ZNF532: variants seen among roughly 807,000 people sequenced by gnomAD.
The protein encoded by ZNF532 is zinc finger protein 532.
A neutral mutation model predicts 89.3 loss-of-function variants in ZNF532; 22 were observed. The observed-to-expected ratio is 0.25, with a 90% confidence interval of 0.18 to 0.35. ZNF532 has a LOEUF of 0.35. Ranked by LOEUF, ZNF532 falls within the 10% of genes least tolerant of loss-of-function variation. The pLI is 1.00. For missense variants in ZNF532, 1,132 were observed against 1,643.4 expected (o/e 0.69, Z 5.38); for synonymous variants, 606 against 649.6 (o/e 0.93, Z 1.02).
At chr18:58,966,738 G>GT (rs540133909) in intron 7 of ZNF532, among the ~76,000 whole-genome samples, 3,376 of 125,690 alleles carry the variant, frequency 0.027, 47 homozygotes, top group East Asian at 0.057. Flanking sequence ...ATTTTTTTGT[G>GT]TTTTTTTTTT....
chr18:58,983,848 C>A, intron 9 of ZNF532, 124 bp from the exon 10 acceptor site: 1 of 1,221,810 alleles, frequency 8.2e-7, no homozygotes, highest in Non-Finnish European at 1.1e-6. Flanking sequence ...AGCTTTAAAG[C>A]CCCTAAATCC....
intron 3 of ZNF532, among the ~76,000 whole-genome samples, chr18:58,926,630 G>A (rs1450757591): frequency 1.3e-5 from 2 of 152,234 alleles, no homozygotes; most frequent in Non-Finnish European, 2.9e-5. Context: ...TTATAGGCGT[G>A]AGCCACTGTA....
At chr18:58,884,505 C>A (rs2058148070) in intron 2 of ZNF532, among the ~76,000 whole-genome samples, 1 of 152,208 alleles carries the variant, frequency 6.6e-6, no homozygotes, top group Non-Finnish European at 1.5e-5. Context: ...ATGTGGAAGG[C>A]TTATTCAGGT....
chr18:58,943,252 C>T (rs937724216), intron 5 of ZNF532, among the ~76,000 whole-genome samples: 16 of 150,788 alleles, frequency 1.1e-4, no homozygotes, highest in African/African-American at 3.2e-4. Context: ...CTCCGCCTCC[C>T]GGGTTCTCGC....
chr18:58,959,449 G>A (rs2065138565), intron 7 of ZNF532, among the ~76,000 whole-genome samples: 1 of 151,948 alleles, frequency 6.6e-6, no homozygotes, highest in Admixed American at 6.6e-5. Context: ...TATAGAGACG[G>A]TGTTTCACTG....
intron 4 of ZNF532, among the ~76,000 whole-genome samples, 161 bp downstream of exon 4, chr18:58,934,775 T>G (rs2062235710): frequency 6.6e-6 from 1 of 152,138 alleles, no homozygotes; most frequent in African/African-American, 2.4e-5. Flanking sequence ...TCTGTTTGAA[T>G]CCTCTTAATG....
At chr18:58,983,199 A>G (rs2068028098) in intron 9 of ZNF532, among the ~76,000 whole-genome samples, 1 of 152,212 alleles carries the variant, frequency 6.6e-6, no homozygotes, top group East Asian at 1.9e-4. Context: ...GCTGGGGCAC[A>G]GAGTGCGGAG....
At chr18:58,917,272 C>G (rs1235641853) in intron 2 of ZNF532, among the ~76,000 whole-genome samples, 1 of 152,100 alleles carries the variant, frequency 6.6e-6, no homozygotes, top group Non-Finnish European at 1.5e-5. Flanking sequence ...TGTTATAAAC[C>G]CAGTGCCTGT....
chr18:58,941,854 CTCTT>C (rs147458771), intron 5 of ZNF532, among the ~76,000 whole-genome samples: 10,713 of 148,552 alleles, frequency 0.072, 697 homozygotes, highest in African/African-American at 0.17. Flanking sequence ...ACCTCCCTTC[CTCTT>C]TCTTTCTTTT....
At chr18:58,882,804 T>C (rs1295002034) in intron 2 of ZNF532, among the ~76,000 whole-genome samples, 2 of 152,198 alleles carry the variant, frequency 1.3e-5, no homozygotes, top group African/African-American at 2.4e-5. Context: ...TATCTCATCC[T>C]GAAAGATTCC....
chr18:58,882,064 C>T (rs2057967796), intron 2 of ZNF532, among the ~76,000 whole-genome samples: 1 of 152,038 alleles, frequency 6.6e-6, no homozygotes, highest in Admixed American at 6.6e-5. Flanking sequence ...CTCAGGTGAT[C>T]CTCCCACCTC....
At chr18:58,979,402 T>C (rs1034466998) in intron 8 of ZNF532, 44 of 251,944 alleles carry the variant, frequency 1.7e-4, no homozygotes, top group East Asian at 1.2e-3. Context: ...GTTTTTTTTT[T>C]CCCGAGACGG....
At position 58,865,395 on chromosome 18, in the gene ZNF532, T is replaced by C. The variant is rs2144346237; in HGVS notation, c.-128+10T>C. 6.5e-6 allele frequency: 1 copy of C among 152,726 alleles called. No homozygotes were observed. The highest frequency in any genetic ancestry group is 1.9e-4 in the East Asian group (1 of 5,184). The allele number at this position is 152,726 out of a possible 1,614,324, so 9.5% of individuals were successfully genotyped here. On this transcript the variant is annotated intron_variant, in intron 1 of 9. Coordinates refer to ENST00000591808, the MANE Select transcript of ZNF532 (RefSeq NM_001375912.1). Reference sequence around the variant, plus strand: ...TTATGAAGGCCAAAAGGTAACAATATCGTTCTAGGAAATGAACATAAATGC... The same window carrying C: ...TTATGAAGGCCAAAAGGTAACAATACCGTTCTAGGAAATGAACATAAATGC...
intron 2 of ZNF532, among the ~76,000 whole-genome samples, chr18:58,910,591 C>T (rs1027403783): frequency 2.0e-5 from 3 of 151,858 alleles, no homozygotes; most frequent in Admixed American, 1.3e-4. Context: ...TTCAGCCTCC[C>T]GAGTAGCTGG....
chr18:58,964,912 T>C (rs1323242418), intron 7 of ZNF532, among the ~76,000 whole-genome samples: 1 of 150,288 alleles, frequency 6.7e-6, no homozygotes, highest in African/African-American at 2.4e-5. Context: ...TGGCCTATAA[T>C]TTTATTATAT....
At chr18:58,961,257 A>C (rs545459550) in intron 7 of ZNF532, among the ~76,000 whole-genome samples, 10 of 152,352 alleles carry the variant, frequency 6.6e-5, no homozygotes, top group Admixed American at 4.6e-4. Context: ...TCTTGGGACC[A>C]TGCTTTGCGA....
chr18:58,889,812 C>T (rs1387587490), intron 2 of ZNF532, among the ~76,000 whole-genome samples: 3 of 133,134 alleles, frequency 2.3e-5, no homozygotes, highest in Admixed American at 7.7e-5. Flanking sequence ...TGGCTAGGCG[C>T]GGTGGCTCAC....
At chr18:58,876,185 C>T (rs2057414187) in intron 2 of ZNF532, among the ~76,000 whole-genome samples, 2 of 152,216 alleles carry the variant, frequency 1.3e-5, no homozygotes, top group African/African-American at 2.4e-5. Context: ...CCGCCTGCCT[C>T]GGCCTCCCAA....
At chr18:58,888,816 TA>T (rs1568247279) in intron 2 of ZNF532, among the ~76,000 whole-genome samples, 8 of 12,460 alleles carry the variant, frequency 6.4e-4, no homozygotes, top group African/African-American at 2.8e-3. Context: ...TATAAAAAAT[TA>T]TATATATAAA....
Sources: gnomAD v4.1 joint callset for allele counts (sites outside exome capture counted in the v4.1 genomes callset) on GRCh38, gnomAD v4.1.1 for gene constraint, MANE v1.5 for transcripts, NCBI Gene and HGNC (gene_info 2026-07-23, HGNC 2026-07-21) for gene names.